F11R: variants seen among roughly 807,000 people sequenced by gnomAD.
F11R encodes F11 receptor.
Under a neutral mutation model 39.3 loss-of-function variants are expected in F11R, and 27 were observed. That is an observed-to-expected ratio of 0.69 (90% CI 0.51 to 0.95). The LOEUF is 0.95. Ranked by LOEUF, F11R falls within the 40% of genes least tolerant of loss-of-function variation. The pLI, the probability that F11R is intolerant of heterozygous loss-of-function variation, is 0.00. For missense variants in F11R, 335 were observed against 372.7 expected (o/e 0.90, Z 0.83); for synonymous variants, 131 against 144.9 (o/e 0.90, Z 0.69).
intron 8 of F11R, 82 bp from the exon 9 acceptor site, chr1:160,999,173 C>G: frequency 6.3e-7 from 1 of 1,587,798 alleles, no homozygotes; most frequent in South Asian, 1.1e-5. Context: ...AGGCCAGAAG[C>G]GAGAATGCTA....
At chr1:161,013,541 G>A (rs1346914060) in intron 1 of F11R, among the ~76,000 whole-genome samples, 1 of 152,166 alleles carries the variant, frequency 6.6e-6, no homozygotes, top group Admixed American at 6.5e-5. Context: ...TGGCCTCCTC[G>A]TAAAGATCAA....
Position 160,999,632 on chromosome 1 carries a change from ATACT to A in F11R, c.802+4_802+7del, listed in dbSNP as rs747028393. 1.2e-6 allele frequency: 2 copies of A among 1,612,606 alleles called. No homozygotes were observed. Among genetic ancestry groups the A allele is most frequent in the Admixed American group, 3.3e-5 (2 of 60,014 alleles). ...TACAAAGGAGAGCCTCTGGGGGCAG[ATACT>A]TACTGTCAAAGTGGCCTCGGCTATA... On this transcript the variant is annotated splice_donor_5th_base_variant and intron_variant, in intron 7 of 9. Transcript: ENST00000368026.
chr1:161,000,918 AG>A, intron 3 of F11R, 101 bp downstream of exon 3: 1 of 1,473,970 alleles, frequency 6.8e-7, no homozygotes, highest in Non-Finnish European at 9.4e-7. Flanking sequence ...CTTCAGCCCC[AG>A]GGTGTGCCCT....
chr1:161,001,178 G>A (rs2297221), intron 2 of F11R, 51 bp from the exon 3 acceptor site: 419,907 of 1,597,282 alleles, frequency 0.26, 58,306 homozygotes, highest in Non-Finnish European at 0.28. Flanking sequence ...GCAAATACAC[G>A]AGATGGGGAA....
intron 1 of F11R, among the ~76,000 whole-genome samples, chr1:161,013,361 CT>C (rs1649276326): frequency 6.6e-6 from 1 of 152,214 alleles, no homozygotes; most frequent in Admixed American, 6.5e-5. Context: ...TGTTTTCCCC[CT>C]AATCTCTAGC....
chr1:161,018,010 G>A (rs1649558952), intron 1 of F11R, among the ~76,000 whole-genome samples: 1 of 152,152 alleles, frequency 6.6e-6, no homozygotes. Flanking sequence ...TCCAACCCAG[G>A]TTTCCCTCTC....
chr1:161,020,898 A>G (rs1263047042), intron 1 of F11R, 112 bp downstream of exon 1: 5 of 914,802 alleles, frequency 5.5e-6, no homozygotes, highest in Non-Finnish European at 9.1e-6. Context: ...TCGCAGAACG[A>G]TATAGGAAGG....
chr1:161,020,931 C>G (rs1302467240), intron 1 of F11R, 79 bp downstream of exon 1: 11 of 1,287,832 alleles, frequency 8.5e-6, no homozygotes, highest in Non-Finnish European at 1.2e-5. Context: ...TCCCCTCCCG[C>G]GGGCTAGGGG....
chr1:161,004,900 C>T (rs1244770476), intron 1 of F11R, among the ~76,000 whole-genome samples: 4 of 151,902 alleles, frequency 2.6e-5, no homozygotes, highest in African/African-American at 7.3e-5. Flanking sequence ...GTAGCTCACA[C>T]CTGTAATTCC....
Position 160,999,065 on chromosome 1 carries a change from C to T in F11R, c.842G>A (p.Ser281Asn), listed in dbSNP as rs1648304632. 2 of 1,614,142 alleles carry T rather than the reference C, an allele frequency of 1.2e-6. No individual in the cohort carries two copies. The highest frequency in any genetic ancestry group is 1.7e-5 in the Admixed American group (1 of 60,014). ...CACTTCACTTCGGGCACTAGGCTGG[C>T]TGTAAATCACCTTCTTACTCGAAGT... ...KGTSSKKVIY[S>N]QPSARSEGEF... Residue 281 changes from serine to asparagine, a missense_variant, in exon 9 of 10, where the codon AGC becomes AAC. By Grantham distance (46) the Ser-to-Asn change is conservative. Coordinates refer to ENST00000368026, the MANE Select transcript of F11R (RefSeq NM_016946.6).
intron 1 of F11R, among the ~76,000 whole-genome samples, chr1:161,006,728 T>G (rs1389947835): frequency 6.6e-6 from 1 of 152,200 alleles, no homozygotes; most frequent in Non-Finnish European, 1.5e-5. Flanking sequence ...CAAGGTGTAT[T>G]GTGATTGCCT....
Position 161,000,365 on chromosome 1 carries a change from C to G in F11R, c.389-17G>C, listed in dbSNP as rs760671218. On this transcript the variant is annotated splice_polypyrimidine_tract_variant and intron_variant, in intron 4 of 9. Transcript: ENST00000368026. ...ATGGAGGCACTGTGGAAGAGAAAGA[C>G]AGAAGGTGCTGAGTACAGGGTGGGG... The G allele has an allele frequency of 9.9e-6, 16 of 1,612,242 alleles. No individual in the cohort carries two copies. Among genetic ancestry groups the G allele is most frequent in the Non-Finnish European group, 1.2e-5 (14 of 1,179,420 alleles).
chr1:161,016,379 G>C (rs564756249), intron 1 of F11R, among the ~76,000 whole-genome samples: 113 of 152,264 alleles, frequency 7.4e-4, no homozygotes, highest in Non-Finnish European at 1.4e-3. Context: ...AGGAGGCTGA[G>C]GCAGGAGAAT....
chr1:160,999,609 C>G, intron 7 of F11R, 31 bp downstream of exon 7: 1 of 1,598,664 alleles, frequency 6.3e-7, no homozygotes, highest in Middle Eastern at 1.7e-4. Flanking sequence ...GGGGGCAGTA[C>G]AAAGGAGAGC....
chr1:161,007,086 G>A (rs1326610357), intron 1 of F11R, among the ~76,000 whole-genome samples: 2 of 151,136 alleles, frequency 1.3e-5, no homozygotes, highest in East Asian at 3.9e-4. Context: ...CAGGAGAATC[G>A]CTTGAACCTG....
chr1:161,017,107 G>A (rs1301191469), intron 1 of F11R, among the ~76,000 whole-genome samples: 1 of 152,108 alleles, frequency 6.6e-6, no homozygotes, highest in Non-Finnish European at 1.5e-5. Flanking sequence ...CTAATCTCAA[G>A]TACCCAGGGA....
chr1:160,998,750 G>A lies in F11R; in HGVS notation c.*121C>T. 1.1e-6 allele frequency: 1 copy of A among 895,760 alleles called. No individual in the cohort carries two copies. Among genetic ancestry groups the A allele is most frequent in the Non-Finnish European group, 1.8e-6 (1 of 552,824 alleles). The allele number at this position is 895,760 out of a possible 1,614,324, so 55.5% of individuals were successfully genotyped here. ...ATTAAAAACACATCCGAAGAAGTAG[G>A]GGGCCCTGTGGGGTGTAGAAGACAA... is the stretch of plus-strand genomic sequence containing the variant. On this transcript the variant is annotated 3_prime_UTR_variant, in exon 10 of 10. Transcript: ENST00000368026.
chr1:161,016,418 G>A (rs1306808809), intron 1 of F11R, among the ~76,000 whole-genome samples: 1 of 152,162 alleles, frequency 6.6e-6, no homozygotes, highest in African/African-American at 2.4e-5. Flanking sequence ...GGAGTTTGCA[G>A]TGAGCCGAGA....
rs1648267003 is a variant in F11R, at chr1:160,998,657, C to T, written c.*214G>A. ...GGGAATAAACACTTTAAACAAGTTC[C>T]AGGCCACTCAGCAGTGGTAGGAAAG... is the stretch of plus-strand genomic sequence containing the variant. On this transcript the variant is annotated 3_prime_UTR_variant, in exon 10 of 10. Coordinates refer to ENST00000368026, the MANE Select transcript of F11R (RefSeq NM_016946.6). 1 of 608,162 alleles carries T rather than the reference C, an allele frequency of 1.6e-6. No individual in the cohort carries two copies. The highest frequency in any genetic ancestry group is 1.9e-5 in the African/African-American group (1 of 53,928). The allele number at this position is 608,162 out of a possible 1,614,324, so 37.7% of individuals were successfully genotyped here. A position where few individuals can be genotyped will look rare whatever the true frequency, so the allele number is the denominator to read the frequency against.
Sources: gnomAD v4.1 joint callset for allele counts (sites outside exome capture counted in the v4.1 genomes callset) on GRCh38, gnomAD v4.1.1 for gene constraint, MANE v1.5 for transcripts, NCBI Gene and HGNC (gene_info 2026-07-23, HGNC 2026-07-21) for gene names.